The following PRKRA variants were observed in gnomAD, a reference collection of about 807,000 sequenced individuals.
PRKRA encodes protein activator of interferon induced protein kinase EIF2AK2.
Under a neutral mutation model 32.4 loss-of-function variants are expected in PRKRA, and 22 were observed. The observed-to-expected ratio is 0.68, with a 90% confidence interval of 0.49 to 0.97. The LOEUF is 0.97. Ranked by LOEUF, PRKRA falls within the 50% of genes least tolerant of loss-of-function variation. The probability of loss-of-function intolerance (pLI) is 0.00; values close to 1 mark genes in which losing one functional copy is unlikely to be tolerated. For missense variants in PRKRA, 319 were observed against 375.6 expected, an observed-to-expected ratio of 0.85 and a Z score of 1.25; for synonymous variants, 139 against 129.8, an observed-to-expected ratio of 1.07 and a Z score of -0.48.
intron 3 of PRKRA, among the ~76,000 whole-genome samples, chr2:178,445,194 T>C (rs1697271088): frequency 6.6e-6 from 1 of 152,178 alleles, no homozygotes; most frequent in East Asian, 1.9e-4. Flanking sequence ...GGATTATGAT[T>C]AGGGAAAAAG....
Position 178,451,083 on chromosome 2 carries a change from C to A in PRKRA, c.-53G>T. 1.3e-6 allele frequency: 2 copies of A among 1,526,420 alleles called. No individual in the cohort carries two copies. Among genetic ancestry groups the A allele is most frequent in the Non-Finnish European group, 8.8e-7 (1 of 1,139,068 alleles). 94.6% of individuals were successfully genotyped at this position (1,526,420 alleles called of 1,614,324 possible). A position where few individuals can be genotyped will look rare whatever the true frequency, so the allele number is the denominator to read the frequency against. On this transcript the variant is annotated 5_prime_UTR_variant, in exon 1 of 8. Coordinates refer to ENST00000325748, the MANE Select transcript of PRKRA (RefSeq NM_003690.5). ...AGGAAGAGCGGTGCGGAGCGACGTG[C>A]TCGCTCCCCGGGTCGCTGGTCCCCG...
rs1480046476 is a variant in PRKRA at position 178,451,114 on chromosome 2, A to G, written c.-84T>C. On this transcript the variant is annotated 5_prime_UTR_variant, in exon 1 of 8. Coordinates refer to ENST00000325748, the MANE Select transcript of PRKRA (RefSeq NM_003690.5). ...CCCCGGGTCGCTGGTCCCCGGGAGG[A>G]GCTCCAGCGCCGCCACCTCCTCCGA... 12 of 1,448,636 alleles carry G rather than the reference A, an allele frequency of 8.3e-6. No homozygotes were observed. The highest frequency in any genetic ancestry group is 1.0e-5 in the Non-Finnish European group (11 of 1,084,086). 89.7% of individuals were successfully genotyped at this position (1,448,636 alleles called of 1,614,324 possible).
intron 7 of PRKRA, 128 bp downstream of exon 7, chr2:178,436,017 A>T (rs753312628): frequency 8.5e-5 from 68 of 799,760 alleles, no homozygotes; most frequent in Non-Finnish European, 1.3e-4. Context: ...GTAATTATAT[A>T]TACTTAGAAT....
At chr2:178,433,011 T>C (rs1373159576) in intron 7 of PRKRA, among the ~76,000 whole-genome samples, 1 of 152,210 alleles carries the variant, frequency 6.6e-6, no homozygotes, top group Non-Finnish European at 1.5e-5. Context: ...CGGTATGATT[T>C]ATTTGAAGTA....
intron 6 of PRKRA, among the ~76,000 whole-genome samples, chr2:178,437,355 T>C (rs1696942398): frequency 6.6e-6 from 1 of 152,092 alleles, no homozygotes. Flanking sequence ...CATTTTTCAG[T>C]ATCTTCCCAT....
intron 2 of PRKRA, 97 bp downstream of exon 2, chr2:178,450,145 G>C: frequency 1.6e-6 from 2 of 1,236,580 alleles, no homozygotes; most frequent in South Asian, 2.9e-5. Context: ...GTTCCTCACA[G>C]CTGTCTGGCA....
intron 3 of PRKRA, chr2:178,447,302 C>A (rs938560114): frequency 2.4e-6 from 2 of 819,506 alleles, no homozygotes; most frequent in Non-Finnish European, 3.7e-6. Flanking sequence ...AGTTCATGAG[C>A]ACCTTCATTT....
chr2:178,447,356 GGAT>G (rs1200736223), intron 3 of PRKRA, 146 bp downstream of exon 3: 36 of 1,367,566 alleles, frequency 2.6e-5, no homozygotes, highest in African/African-American at 2.5e-4. Flanking sequence ...TTTCTTTAAT[GGAT>G]GATAAGTTTT....
At chr2:178,434,971 A>C (rs1366386378) in intron 7 of PRKRA, among the ~76,000 whole-genome samples, 1 of 151,560 alleles carries the variant, frequency 6.6e-6, no homozygotes, top group Non-Finnish European at 1.5e-5. Flanking sequence ...AAAAAAAAAA[A>C]ACTTTGGGAG....
rs888568488 is a variant in PRKRA at position 178,431,677 on chromosome 2, G to T, written c.*420C>A. ...TAACAATCAATCATACTTAATAAAG[G>T]CCTGTTAGTGCTGTCCCTCAAGACT... On this transcript the variant is annotated 3_prime_UTR_variant, in exon 8 of 8. Coordinates refer to ENST00000325748, the MANE Select transcript of PRKRA (RefSeq NM_003690.5). 1.5e-4 allele frequency: 33 copies of T among 223,584 alleles called. No homozygotes were observed. The highest frequency in any genetic ancestry group is 7.1e-4 in the African/African-American group (31 of 43,492). 13.9% of individuals were successfully genotyped at this position (223,584 alleles called of 1,614,324 possible).
rs755605355 is a variant in PRKRA, at chr2:178,450,948, G to A, written c.65+18C>T. On this transcript the variant is annotated intron_variant, in intron 1 of 7. Coordinates refer to ENST00000325748, the MANE Select transcript of PRKRA (RefSeq NM_003690.5). ...CCAACGCTCCCGGCCCTGGGGCCCT[G>A]ACTGCCCGCACGCTGACCTGAAGGT... The A allele has an allele frequency of 1.5e-5, 24 of 1,556,460 alleles. No individual in the cohort carries two copies. The East Asian group carries it at 3.4e-4, about 22-fold the overall frequency.
In PRKRA at chr2:178,451,073, G is replaced by A; in HGVS notation, c.-43C>T. On this transcript the variant is annotated 5_prime_UTR_variant, in exon 1 of 8. Transcript: ENST00000325748. The stretch of plus-strand genomic sequence containing the variant: ...CAGCGGCTGGAGGAAGAGCGGTGCG[G>A]AGCGACGTGCTCGCTCCCCGGGTCG... The A allele has an allele frequency of 6.5e-7, 1 of 1,540,332 alleles. No homozygotes were observed. The highest frequency in any genetic ancestry group is 8.7e-7 in the Non-Finnish European group (1 of 1,147,622).
At position 178,450,440 on chromosome 2, in the gene PRKRA, G is replaced by C. The variant is rs911912217; in HGVS notation, c.66-29C>G. On this transcript the variant is annotated intron_variant, in intron 1 of 7. Transcript: ENST00000325748. ...CAAAAACCACAAAAAGGTGTGCTTT[G>C]CATGCCAAATTGGAGATTGAAGCAG... 3.7e-6 allele frequency: 6 copies of C among 1,614,046 alleles called. No individual in the cohort carries two copies. The African/African-American group carries it at 5.3e-5, about 14-fold the overall frequency.
At chr2:178,448,172 T>G (rs553640453) in intron 2 of PRKRA, among the ~76,000 whole-genome samples, 9 of 152,352 alleles carry the variant, frequency 5.9e-5, no homozygotes, top group Admixed American at 2.0e-4. Flanking sequence ...ATGTATCTTC[T>G]GGACGGTCTG....
In PRKRA at chr2:178,431,481, G is replaced by A. The variant is rs1696646674; in HGVS notation, c.*616C>T. The A allele has an allele frequency of 6.5e-6, 1 of 153,792 alleles. No individual in the cohort carries two copies. The highest frequency in any genetic ancestry group is 1.9e-4 in the East Asian group (1 of 5,200). 9.5% of individuals were successfully genotyped at this position (153,792 alleles called of 1,614,324 possible). ...CCTTTGAATTTCAAAGTAAATTAGA[G>A]ATATGTAAATAACAGAATTATCAAC... is the stretch of plus-strand genomic sequence containing the variant. On this transcript the variant is annotated 3_prime_UTR_variant, in exon 8 of 8. Coordinates refer to ENST00000325748, the MANE Select transcript of PRKRA (RefSeq NM_003690.5).
chr2:178,444,567 C>G, intron 3 of PRKRA, 67 bp from the exon 4 acceptor site: 1 of 993,394 alleles, frequency 1.0e-6, no homozygotes, highest in Non-Finnish European at 1.4e-6. Context: ...AAATGACAAG[C>G]ATTTTCTAAT....
In PRKRA at chr2:178,451,067, G is replaced by A; in HGVS notation, c.-37C>T. On this transcript the variant is annotated 5_prime_UTR_variant, in exon 1 of 8. Coordinates refer to ENST00000325748, the MANE Select transcript of PRKRA (RefSeq NM_003690.5). ...ACGGCTCAGCGGCTGGAGGAAGAGC[G>A]GTGCGGAGCGACGTGCTCGCTCCCC... is the stretch of plus-strand genomic sequence containing the variant. 1 of 1,544,808 alleles carries A rather than the reference G, an allele frequency of 6.5e-7. No individual in the cohort carries two copies.
intron 2 of PRKRA, among the ~76,000 whole-genome samples, chr2:178,448,722 G>A (rs1697415129): frequency 6.6e-6 from 1 of 152,202 alleles, no homozygotes; most frequent in South Asian, 2.1e-4. Flanking sequence ...AGTAGCAATG[G>A]CCAGAAGAGA....
chr2:178,434,504 A>G (rs1391882609), intron 7 of PRKRA, among the ~76,000 whole-genome samples: 4 of 151,646 alleles, frequency 2.6e-5, no homozygotes, highest in East Asian at 1.9e-4. Flanking sequence ...TGCTGCCTCA[A>G]CCTCAGAGGC....
Sources: gnomAD v4.1 joint callset for allele counts (sites outside exome capture counted in the v4.1 genomes callset) on GRCh38, gnomAD v4.1.1 for gene constraint, MANE v1.5 for transcripts, NCBI Gene and HGNC (gene_info 2026-07-23, HGNC 2026-07-21) for gene names.